FHIT: variants seen among roughly 807,000 people sequenced by gnomAD.
FHIT encodes the protein fragile histidine triad diadenosine triphosphatase.
Under a neutral mutation model 17.9 loss-of-function variants are expected in FHIT, and 19 were observed. The ratio of observed to expected loss-of-function variants is 1.06; its 90% CI spans 0.74 to 1.56. The LOEUF (loss-of-function observed/expected upper bound fraction) is 1.56, where lower values mean the gene tolerates loss of function less well. FHIT is among the 40% of genes most tolerant of loss of function. The probability of loss-of-function intolerance (pLI) is 0.00; values close to 1 mark genes in which losing one functional copy is unlikely to be tolerated. For missense variants in FHIT, 248 were observed against 189.2 expected, an observed-to-expected ratio of 1.31 and a Z score of -1.82; for synonymous variants, 81 against 69.7, an observed-to-expected ratio of 1.16 and a Z score of -0.81.
chr3:60,258,630 T>G (rs1393486803), intron 5 of FHIT, among the ~76,000 whole-genome samples: 1 of 152,086 alleles, frequency 6.6e-6, no homozygotes, highest in Non-Finnish European at 1.5e-5. Context: ...GAGGCACCTA[T>G]AACAAAAGGT....
chr3:60,962,692 T>G (rs1709519696), intron 3 of FHIT, among the ~76,000 whole-genome samples: 1 of 152,194 alleles, frequency 6.6e-6, no homozygotes. Flanking sequence ...GATAATCATG[T>G]GGTTTTTGTC....
At chr3:60,166,506 T>C (rs776941350) in intron 5 of FHIT, among the ~76,000 whole-genome samples, 2 of 152,178 alleles carry the variant, frequency 1.3e-5, no homozygotes, top group South Asian at 4.1e-4. Flanking sequence ...CCATGTACTA[T>C]CTCACTTAAT....
chr3:60,310,333 A>G (rs1252663168), intron 5 of FHIT, among the ~76,000 whole-genome samples: 1 of 152,140 alleles, frequency 6.6e-6, no homozygotes, highest in Non-Finnish European at 1.5e-5. Context: ...GTGCTCTCTT[A>G]AAGAAACTGG....
chr3:60,605,303 A>G (rs1049338059), intron 4 of FHIT, among the ~76,000 whole-genome samples: 32 of 152,192 alleles, frequency 2.1e-4, no homozygotes, highest in African/African-American at 6.8e-4. Flanking sequence ...ATTTGCAGTC[A>G]TAATAGAAAC....
chr3:59,786,031 T>C (rs1699274512), intron 8 of FHIT, among the ~76,000 whole-genome samples: 1 of 152,212 alleles, frequency 6.6e-6, no homozygotes, highest in Non-Finnish European at 1.5e-5. Flanking sequence ...GTGTCTGACA[T>C]GCAGCATGGC....
chr3:60,131,020 CATAT>C (rs1559661428), intron 5 of FHIT, among the ~76,000 whole-genome samples: 22,283 of 144,718 alleles, frequency 0.15, 2,799 homozygotes, highest in African/African-American at 0.31. Context: ...TATATATACA[CATAT>C]ATACATATGT....
intron 5 of FHIT, among the ~76,000 whole-genome samples, chr3:60,349,974 A>C (rs2106938631): frequency 6.6e-6 from 1 of 152,328 alleles, no homozygotes; most frequent in South Asian, 2.1e-4. Context: ...GGAACAGCTA[A>C]AATTAAGGCA....
At chr3:60,067,425 C>G (rs13324099) in intron 5 of FHIT, among the ~76,000 whole-genome samples, 4,274 of 152,212 alleles carry the variant, frequency 0.028, 193 homozygotes, top group African/African-American at 0.097. Flanking sequence ...GAAAGATACT[C>G]TAAAACAAAT....
intron 2 of FHIT, among the ~76,000 whole-genome samples, chr3:61,051,724 G>T (rs899945496): frequency 7.2e-5 from 11 of 152,168 alleles, no homozygotes; most frequent in African/African-American, 2.4e-4. Flanking sequence ...TATAACACAT[G>T]CAAAGAGATG....
intron 5 of FHIT, among the ~76,000 whole-genome samples, chr3:60,288,373 C>G (rs1707826868): frequency 6.6e-6 from 1 of 152,066 alleles, no homozygotes; most frequent in Non-Finnish European, 1.5e-5. Context: ...CACTGGAAGC[C>G]ACCTGGAAGG....
At chr3:60,503,637 T>A (rs6776721) in intron 5 of FHIT, among the ~76,000 whole-genome samples, 68,089 of 151,950 alleles carry the variant, frequency 0.45, 15,513 homozygotes, top group African/African-American at 0.5. Context: ...TAGTTAATCA[T>A]ATTGATGAAA....
At chr3:60,889,084 C>A (rs115387698) in intron 3 of FHIT, among the ~76,000 whole-genome samples, 66 of 152,298 alleles carry the variant, frequency 4.3e-4, no homozygotes, top group African/African-American at 1.6e-3. Context: ...CAACTCATTC[C>A]GATCACCTAC....
At chr3:59,768,320 C>T (rs1323838224) in intron 8 of FHIT, among the ~76,000 whole-genome samples, 1 of 152,194 alleles carries the variant, frequency 6.6e-6, no homozygotes, top group Non-Finnish European at 1.5e-5. Context: ...AGTAGCAGGC[C>T]TTTACCATTT....
intron 5 of FHIT, among the ~76,000 whole-genome samples, chr3:60,387,065 G>T (rs932438694): frequency 1.5e-5 from 2 of 136,778 alleles, no homozygotes; most frequent in African/African-American, 5.4e-5. Flanking sequence ...TCAGCTCACT[G>T]CAACCTCTAC....
At chr3:60,278,787 G>T (rs181879039) in intron 5 of FHIT, among the ~76,000 whole-genome samples, 20 of 151,858 alleles carry the variant, frequency 1.3e-4, no homozygotes, top group Admixed American at 5.9e-4. Context: ...CAAAAATAAG[G>T]CATGCAAAAA....
At chr3:60,238,061 G>C (rs962688027) in intron 5 of FHIT, among the ~76,000 whole-genome samples, 1 of 148,676 alleles carries the variant, frequency 6.7e-6, no homozygotes, top group Non-Finnish European at 1.5e-5. Flanking sequence ...CAGGAAAATC[G>C]CTTGAGCCTT....
Position 59,899,777 on chromosome 3 carries a change from C to T in FHIT, c.348+22569G>A, listed in dbSNP as rs372801159. ...AGGAGAACTGCTTGAACCCGGGAGG[C>T]GGAGGTTGCAGTGAGCCATGATGGT... On this transcript the variant is annotated intron_variant, in intron 8 of 9. Transcript: ENST00000492590. Among the ~76,000 whole-genome samples, 101 of 152,222 alleles carry T rather than the reference C, an allele frequency of 6.6e-4. 3 individuals carry two copies. In the Middle Eastern group the frequency reaches 0.01, roughly 15 times the overall value.
At chr3:59,959,896 A>G (rs954000648) in intron 7 of FHIT, among the ~76,000 whole-genome samples, 1 of 152,208 alleles carries the variant, frequency 6.6e-6, no homozygotes, top group Non-Finnish European at 1.5e-5. Flanking sequence ...GGTGGAAGGC[A>G]GGTGAAAGAA....
chr3:60,066,713 GA>G (rs1252721686), intron 5 of FHIT, among the ~76,000 whole-genome samples: 2 of 126,290 alleles, frequency 1.6e-5, no homozygotes, highest in African/African-American at 6.1e-5. Flanking sequence ...CTGGAGTGCA[GA>G]GGCACGATCT....
Sources: gnomAD v4.1 joint callset for allele counts (sites outside exome capture counted in the v4.1 genomes callset) on GRCh38, gnomAD v4.1.1 for gene constraint, MANE v1.5 for transcripts, NCBI Gene and HGNC (gene_info 2026-07-23, HGNC 2026-07-21) for gene names.